STPG2: variants seen among roughly 807,000 people sequenced by gnomAD.
The protein encoded by STPG2 is sperm tail PG-rich repeat containing 2.
In STPG2, 56 loss-of-function variants were observed where a neutral mutation model predicts 54.2. That is an observed-to-expected ratio of 1.03 (90% confidence interval 0.83 to 1.29). The LOEUF (loss-of-function observed/expected upper bound fraction) is 1.29, where lower values mean the gene tolerates loss of function less well. STPG2 is among the 50% of genes most tolerant of loss of function. The pLI, the probability that STPG2 is intolerant of heterozygous loss-of-function variation, is 0.00. For missense variants in STPG2, 596 were observed against 544.9 expected, an observed-to-expected ratio of 1.09 and a Z score of -0.93; for synonymous variants, 200 against 181.8, an observed-to-expected ratio of 1.10 and a Z score of -0.81.
At chr4:97,681,630 C>G (rs891104490) in intron 10 of STPG2, among the ~76,000 whole-genome samples, 1 of 151,790 alleles carries the variant, frequency 6.6e-6, no homozygotes, top group African/African-American at 2.4e-5. Context: ...CAACATTTTA[C>G]AAAAGACATG....
chr4:97,943,521 G>A (rs762098766), intron 8 of STPG2, among the ~76,000 whole-genome samples: 4 of 135,708 alleles, frequency 2.9e-5, no homozygotes, highest in Non-Finnish European at 6.3e-5. Flanking sequence ...AAATCACTCG[G>A]GAGTCTTAGA....
At chr4:97,903,314 T>A (rs1379316499) in intron 8 of STPG2, among the ~76,000 whole-genome samples, 1 of 152,172 alleles carries the variant, frequency 6.6e-6, no homozygotes, top group Non-Finnish European at 1.5e-5. Context: ...TATATGTGTG[T>A]ATCTCAAAAC....
chr4:97,586,406 T>C (rs1732999413), intron 10 of STPG2, among the ~76,000 whole-genome samples: 1 of 151,970 alleles, frequency 6.6e-6, no homozygotes, highest in Non-Finnish European at 1.5e-5. Context: ...TAAAAGTATA[T>C]TCAAATAATT....
At chr4:97,953,895 G>C (rs893415544) in intron 7 of STPG2, among the ~76,000 whole-genome samples, 4 of 152,188 alleles carry the variant, frequency 2.6e-5, no homozygotes, top group African/African-American at 9.7e-5. Flanking sequence ...AGTTCACAGT[G>C]AGAATTGCTA....
intron 9 of STPG2, among the ~76,000 whole-genome samples, chr4:97,735,620 C>CAT (rs151020349): frequency 0.13 from 18,841 of 147,868 alleles, 1,817 homozygotes; most frequent in African/African-American, 0.26. Context: ...CATTTATATT[C>CAT]ATATATATAT....
Position 97,872,271 on chromosome 4 carries a change from C to G in STPG2, c.1045-31339G>C, listed in dbSNP as rs79064917. On this transcript the variant is annotated intron_variant, in intron 8 of 10. Transcript: ENST00000295268. ...ACCTCCAATAATATTTAATATTGTA[C>G]TGAAAGTATTAGCCTGTGCAGGAAA... Among the ~76,000 whole-genome samples, 852 of 151,180 alleles carry G rather than the reference C, an allele frequency of 5.6e-3. 19 individuals carry two copies. Among genetic ancestry groups the G allele is most frequent in the East Asian group, 0.037 (190 of 5,160 alleles).
At chr4:97,701,587 G>C (rs1446652319) in intron 10 of STPG2, among the ~76,000 whole-genome samples, 2 of 152,188 alleles carry the variant, frequency 1.3e-5, no homozygotes, top group African/African-American at 4.8e-5. Flanking sequence ...AGGGGTTCTG[G>C]ATCTGTAAAC....
chr4:97,770,336 C>CAG (rs956185949), intron 9 of STPG2, among the ~76,000 whole-genome samples: 3 of 152,112 alleles, frequency 2.0e-5, no homozygotes, highest in Admixed American at 6.5e-5. Context: ...GAGATCTGAA[C>CAG]AGAGACCTGA....
intron 10 of STPG2, among the ~76,000 whole-genome samples, chr4:97,630,945 A>G (rs1321491409): frequency 2.0e-5 from 3 of 152,026 alleles, no homozygotes; most frequent in Non-Finnish European, 4.4e-5. Flanking sequence ...CAATGAATGC[A>G]GAAAGTGATA....
intron 9 of STPG2, among the ~76,000 whole-genome samples, chr4:97,835,603 C>T (rs1362967728): frequency 6.6e-6 from 1 of 152,094 alleles, no homozygotes; most frequent in Non-Finnish European, 1.5e-5. Context: ...TTCTGAAGCC[C>T]ATGGTTCAAA....
At chr4:97,734,050 A>G (rs1724892453) in intron 9 of STPG2, among the ~76,000 whole-genome samples, 1 of 152,140 alleles carries the variant, frequency 6.6e-6, no homozygotes, top group Non-Finnish European at 1.5e-5. Flanking sequence ...ATACTGATTA[A>G]AAGTGCCAAA....
At chr4:97,956,424 A>C (rs1310881550) in intron 7 of STPG2, among the ~76,000 whole-genome samples, 1 of 152,218 alleles carries the variant, frequency 6.6e-6, no homozygotes, top group Non-Finnish European at 1.5e-5. Flanking sequence ...GACAGGAGGC[A>C]GAACTAGATG....
intron 9 of STPG2, among the ~76,000 whole-genome samples, chr4:97,726,453 T>A (rs1235941566): frequency 1.3e-5 from 2 of 151,918 alleles, no homozygotes; most frequent in Non-Finnish European, 2.9e-5. Context: ...TACGTGTATT[T>A]TGCTACAGTT....
At chr4:97,643,155 G>GT in intron 10 of STPG2, among the ~76,000 whole-genome samples, 1 of 151,634 alleles carries the variant, frequency 6.6e-6, no homozygotes, top group East Asian at 1.9e-4. Flanking sequence ...ATACTAGAAT[G>GT]TAACCTCATG....
At chr4:97,644,471 T>C (rs1265447395) in intron 10 of STPG2, among the ~76,000 whole-genome samples, 1 of 151,956 alleles carries the variant, frequency 6.6e-6, no homozygotes, top group Non-Finnish European at 1.5e-5. Flanking sequence ...AAATGGATCA[T>C]TTTTTGTGAC....
At chr4:97,749,314 G>A (rs1237464284) in intron 9 of STPG2, among the ~76,000 whole-genome samples, 5 of 151,630 alleles carry the variant, frequency 3.3e-5, no homozygotes, top group Non-Finnish European at 7.4e-5. Flanking sequence ...TAGAGTATAA[G>A]TTGCCACTAC....
chr4:97,598,423 C>T (rs928450229), intron 10 of STPG2, among the ~76,000 whole-genome samples: 1 of 151,654 alleles, frequency 6.6e-6, no homozygotes, highest in Non-Finnish European at 1.5e-5. Flanking sequence ...AACTAAATAG[C>T]CAAAGCAATC....
intron 10 of STPG2, among the ~76,000 whole-genome samples, chr4:97,611,038 A>C (rs568397061): frequency 2.3e-4 from 35 of 152,198 alleles, no homozygotes; most frequent in African/African-American, 7.7e-4. Flanking sequence ...GGAAAAAATC[A>C]ATTCTCAGAT....
chr4:98,102,531 T>C (rs942182741), intron 5 of STPG2, among the ~76,000 whole-genome samples: 1 of 152,120 alleles, frequency 6.6e-6, no homozygotes, highest in African/African-American at 2.4e-5. Context: ...GAGATATTTC[T>C]GTTCCTCTTT....
Sources: gnomAD v4.1 joint callset for allele counts (sites outside exome capture counted in the v4.1 genomes callset) on GRCh38, gnomAD v4.1.1 for gene constraint, MANE v1.5 for transcripts, NCBI Gene and HGNC (gene_info 2026-07-23, HGNC 2026-07-21) for gene names.